The following PELI2 variants were observed in gnomAD, a reference collection of about 807,000 sequenced individuals.
PELI2 encodes pellino E3 ubiquitin protein ligase family member 2, also known as E3 ubiquitin-protein ligase pellino homolog 2.
In PELI2, 23 loss-of-function variants were observed where a neutral mutation model predicts 42.3. The observed-to-expected ratio is 0.54, with a 90% CI of 0.39 to 0.77. The LOEUF (loss-of-function observed/expected upper bound fraction) is 0.77, where lower values mean the gene tolerates loss of function less well. Among genes scored for constraint, PELI2 ranks in the 30% least tolerant of loss-of-function variants. The pLI is 0.00. For missense variants in PELI2, 463 were observed against 553.2 expected (o/e 0.84, Z 1.64); for synonymous variants, 245 against 212.2 (o/e 1.15, Z -1.34).
chr14:56,274,491 A>G (rs1356257436), intron 2 of PELI2, among the ~76,000 whole-genome samples: 1 of 152,198 alleles, frequency 6.6e-6, no homozygotes, highest in East Asian at 1.9e-4. Flanking sequence ...AAGACATGTT[A>G]CCCATTGTTT....
At chr14:56,158,659 T>A (rs1483201100) in intron 1 of PELI2, among the ~76,000 whole-genome samples, 2 of 152,204 alleles carry the variant, frequency 1.3e-5, no homozygotes, top group Non-Finnish European at 2.9e-5. Context: ...CTGGCCGAGA[T>A]TATTTTTTAA....
chr14:56,233,651 C>T (rs1227885748), intron 2 of PELI2, among the ~76,000 whole-genome samples: 1 of 152,062 alleles, frequency 6.6e-6, no homozygotes, highest in African/African-American at 2.4e-5. Context: ...CCATAAAAAC[C>T]CTAGAAGAAA....
chr14:56,219,646 T>C lies in PELI2; in HGVS notation c.207+41182T>C, dbSNP rs975336801. Reference sequence around the variant, plus strand: ...CCCAGGACACATTTGTTCTTGTTTATGGATGATTCTTAACTGGCTGATTAT... The same window carrying C: ...CCCAGGACACATTTGTTCTTGTTTACGGATGATTCTTAACTGGCTGATTAT... On this transcript the variant is annotated intron_variant, in intron 2 of 5. Transcript: ENST00000267460. This position sits in a 1 kb window ranked among gnomAD's most constrained non-coding sequence, Gnocchi z 4.1. Among the ~76,000 whole-genome samples the C allele has an allele frequency of 1.3e-5, 2 of 152,228 alleles. No homozygotes were observed. The highest frequency in any genetic ancestry group is 6.5e-5 in the Admixed American group (1 of 15,286).
chr14:56,136,849 T>TC (rs1883704301), intron 1 of PELI2, among the ~76,000 whole-genome samples: 1 of 152,202 alleles, frequency 6.6e-6, no homozygotes. Flanking sequence ...ATCATTACTT[T>TC]CCAGGTAGAC....
At chr14:56,233,129 T>A (rs935981376) in intron 2 of PELI2, among the ~76,000 whole-genome samples, 2 of 152,134 alleles carry the variant, frequency 1.3e-5, no homozygotes, top group African/African-American at 4.8e-5. Context: ...GGAAGAACAT[T>A]CCATGCTCAT....
chr14:56,246,497 C>T (rs1014347539), intron 2 of PELI2, among the ~76,000 whole-genome samples: 1 of 152,094 alleles, frequency 6.6e-6, no homozygotes, highest in Non-Finnish European at 1.5e-5. Context: ...TGTCCTTCTC[C>T]TTTCTGGCCT....
At chr14:56,259,680 A>G (rs1888648446) in intron 2 of PELI2, among the ~76,000 whole-genome samples, 1 of 152,178 alleles carries the variant, frequency 6.6e-6, no homozygotes, top group South Asian at 2.1e-4. Flanking sequence ...ACAGGTAACC[A>G]CACTTACTTG....
At chr14:56,167,805 G>T (rs1173663000) in intron 1 of PELI2, among the ~76,000 whole-genome samples, 1 of 152,110 alleles carries the variant, frequency 6.6e-6, no homozygotes, top group African/African-American at 2.4e-5. Flanking sequence ...CTTATTTGTA[G>T]CCCTCCTTTT....
chr14:56,197,731 G>A lies in PELI2; in HGVS notation c.207+19267G>A, dbSNP rs1037581088. ...ATTAACATTTAAATCTCTAGACTTT[G>A]AGTAAAGCACATCAGGTAAAAGCTT... On this transcript the variant is annotated intron_variant, in intron 2 of 5. Coordinates refer to ENST00000267460, the MANE Select transcript of PELI2 (RefSeq NM_021255.3). The surrounding 1 kb of genome is among the most constrained non-coding windows in gnomAD (Gnocchi z 4.9). Among the ~76,000 whole-genome samples the A allele has an allele frequency of 1.3e-5, 2 of 152,070 alleles. No individual in the cohort carries two copies. The highest frequency in any genetic ancestry group is 2.9e-5 in the Non-Finnish European group (2 of 68,018).
intron 2 of PELI2, among the ~76,000 whole-genome samples, chr14:56,251,778 G>A (rs895806805): frequency 1.3e-4 from 20 of 152,154 alleles, no homozygotes; most frequent in African/African-American, 4.3e-4. Context: ...TGTTAGCTGT[G>A]CTAATTATTT....
At chr14:56,230,087 A>C (rs1374745528) in intron 2 of PELI2, among the ~76,000 whole-genome samples, 1 of 152,250 alleles carries the variant, frequency 6.6e-6, no homozygotes, top group African/African-American at 2.4e-5. Context: ...CCTCCAAGAA[A>C]TACAAGACTA....
chr14:56,174,584 G>C (rs765721855), intron 1 of PELI2, among the ~76,000 whole-genome samples: 1 of 152,160 alleles, frequency 6.6e-6, no homozygotes, highest in Non-Finnish European at 1.5e-5. Flanking sequence ...TGCTGTTCTC[G>C]TGATAGTGAA....
rs562794495 is a variant in PELI2 at position 56,265,444 on chromosome 14, C to T, written c.208-14232C>T. Reference sequence around the variant, plus strand: ...TGCAGAAATATGAATTTGATTTATACTTTTCAGCGTGTACAAAAAGTAGTT... The same window carrying T: ...TGCAGAAATATGAATTTGATTTATATTTTTCAGCGTGTACAAAAAGTAGTT... On this transcript the variant is annotated intron_variant, in intron 2 of 5. Transcript: ENST00000267460. Among the ~76,000 whole-genome samples, 38 of 152,144 alleles carry T rather than the reference C, an allele frequency of 2.5e-4. No homozygotes were observed. The East Asian group carries it at 7.1e-3, about 29-fold the overall frequency.
At chr14:56,217,951 C>T (rs1426797652) in intron 2 of PELI2, among the ~76,000 whole-genome samples, 3 of 152,228 alleles carry the variant, frequency 2.0e-5, no homozygotes, top group African/African-American at 7.2e-5. Context: ...GGGAAGCACT[C>T]TGCTAACTAC....
rs1889415170 is a variant in PELI2 at position 56,279,784 on chromosome 14, T to A, written c.309+7T>A. On this transcript the variant is annotated splice_region_variant and intron_variant, in intron 3 of 5. Coordinates refer to ENST00000267460, the MANE Select transcript of PELI2 (RefSeq NM_021255.3). ...GGATACGGATATGTTTCAGGTAATA[T>A]TTTTCTTTTTTAATAGAAATTTTAG... 1 of 1,460,944 alleles carries A rather than the reference T, an allele frequency of 6.8e-7. No individual in the cohort carries two copies. The highest frequency in any genetic ancestry group is 1.4e-5 in the African/African-American group (1 of 70,648). The allele number at this position is 1,460,944 out of a possible 1,614,324, so 90.5% of individuals were successfully genotyped here.
chr14:56,265,865 G>A (rs181034558), intron 2 of PELI2, among the ~76,000 whole-genome samples: 2 of 152,062 alleles, frequency 1.3e-5, no homozygotes, highest in Admixed American at 1.3e-4. Flanking sequence ...TTAATCATTA[G>A]GGAAATACAG....
intron 2 of PELI2, among the ~76,000 whole-genome samples, chr14:56,237,380 A>G (rs1159572734): frequency 6.6e-6 from 1 of 152,164 alleles, no homozygotes; most frequent in African/African-American, 2.4e-5. Flanking sequence ...ACCTTGCTTA[A>G]TATTCAGTAT....
At chr14:56,137,112 T>C (rs1312397931) in intron 1 of PELI2, among the ~76,000 whole-genome samples, 2 of 152,186 alleles carry the variant, frequency 1.3e-5, no homozygotes, top group African/African-American at 2.4e-5. Flanking sequence ...GGTAACAGTG[T>C]CAAGTTTACA....
chr14:56,191,119 G>A (rs1462386087), intron 2 of PELI2, among the ~76,000 whole-genome samples: 2 of 152,102 alleles, frequency 1.3e-5, no homozygotes, highest in East Asian at 3.9e-4. Flanking sequence ...ATTGGACTTG[G>A]TCCTGACAAG....
Sources: allele counts gnomAD v4.1 joint callset (sites outside exome capture counted in the v4.1 genomes callset), GRCh38; gene constraint gnomAD v4.1.1; non-coding constraint Gnocchi (gnomAD v3.1); transcripts MANE v1.5; gene names NCBI Gene and HGNC (gene_info 2026-07-23, HGNC 2026-07-21).